OPRM1: variants seen among roughly 807,000 people sequenced by gnomAD.
OPRM1 encodes opioid receptor mu 1, also known as mu-type opioid receptor.
A neutral mutation model predicts 31.8 loss-of-function variants in OPRM1; 27 were observed. That is an observed-to-expected ratio of 0.85 (90% CI 0.63 to 1.17). OPRM1 has a LOEUF of 1.17. Ranked by LOEUF, OPRM1 falls within the 50% of genes most tolerant of loss-of-function variation. OPRM1 has a pLI of 0.00. For missense variants in OPRM1, 536 were observed against 511.1 expected (o/e 1.05, Z -0.47); for synonymous variants, 196 against 189.9 (o/e 1.03, Z -0.26).
chr6:154,131,410 G>A lies in OPRM1; in HGVS notation c.*12689G>A, dbSNP rs1011221657. Among the ~76,000 whole-genome samples, 16 of 152,106 alleles carry A rather than the reference G, an allele frequency of 1.1e-4. No homozygotes were observed. Among genetic ancestry groups the A allele is most frequent in the African/African-American group, 3.9e-4 (16 of 41,412 alleles). ...TAGCTTTAAGTCAAACCTAACATAA[G>A]CAATCAACCCTTCCACCCATTGTCC... On this transcript the variant is annotated 3_prime_UTR_variant, in exon 4 of 4. Transcript: ENST00000330432.
chr6:154,095,650 A>G (rs1793234591), intron 3 of OPRM1, among the ~76,000 whole-genome samples: 1 of 152,166 alleles, frequency 6.6e-6, no homozygotes, highest in Non-Finnish European at 1.5e-5. Flanking sequence ...TCAGTGCCCT[A>G]AAGAGGTCTT....
At chr6:154,195,262 C>T (rs2033282718) in intron 3 of OPRM1, among the ~76,000 whole-genome samples, 1 of 151,632 alleles carries the variant, frequency 6.6e-6, no homozygotes, top group African/African-American at 2.4e-5. Context: ...ATTCTCCTGC[C>T]TCAGCCTCCC....
chr6:154,166,795 C>G (rs2128552910), intron 3 of OPRM1, among the ~76,000 whole-genome samples: 1 of 152,308 alleles, frequency 6.6e-6, no homozygotes, highest in African/African-American at 2.4e-5. Context: ...AAAATCCCAA[C>G]ACGCTATGAC....
At chr6:154,070,822 T>C (rs1786544471) in intron 1 of OPRM1, among the ~76,000 whole-genome samples, 1 of 152,206 alleles carries the variant, frequency 6.6e-6, no homozygotes, top group African/African-American at 2.4e-5. Flanking sequence ...TTTTAGTTAC[T>C]CATTGGTCTG....
At chr6:154,051,976 A>G (rs1583241924) in intron 1 of OPRM1, among the ~76,000 whole-genome samples, 2 of 152,240 alleles carry the variant, frequency 1.3e-5, no homozygotes, top group Admixed American at 6.5e-5. Flanking sequence ...TTACATATAC[A>G]CCATGGAATA....
upstream of OPRM1, chr6:154,039,143 T>C: frequency 6.5e-7 from 1 of 1,549,552 alleles, no homozygotes; most frequent in South Asian, 1.2e-5. Flanking sequence ...AACCCTTCTC[T>C]CCATCTCCCT....
At chr6:154,026,364 T>C (rs1778697016) in intron 1 of OPRM1, among the ~76,000 whole-genome samples, 1 of 152,122 alleles carries the variant, frequency 6.6e-6, no homozygotes, top group South Asian at 2.1e-4. Flanking sequence ...TTAGGATCCT[T>C]TCTTTACCTT....
At chr6:154,043,552 T>G (rs901785873) in intron 1 of OPRM1, among the ~76,000 whole-genome samples, 1 of 147,542 alleles carries the variant, frequency 6.8e-6, no homozygotes, top group African/African-American at 2.5e-5. Flanking sequence ...TATATATATA[T>G]ATAAATTCAC....
At chr6:154,241,430 C>A (rs1487619354) in intron 3 of OPRM1, among the ~76,000 whole-genome samples, 1 of 151,954 alleles carries the variant, frequency 6.6e-6, no homozygotes, top group African/African-American at 2.4e-5. Context: ...CTAAAATACA[C>A]CAAAAAAGTA....
intron 3 of OPRM1, among the ~76,000 whole-genome samples, chr6:154,191,672 T>TCAA (rs140096033): frequency 0.018 from 2,685 of 149,666 alleles, 28 homozygotes; most frequent in African/African-American, 0.029. Flanking sequence ...AGACTTTGCC[T>TCAA]CAACAACAAC....
At chr6:154,110,125 C>G (rs1796180684) in intron 3 of OPRM1, among the ~76,000 whole-genome samples, 1 of 152,108 alleles carries the variant, frequency 6.6e-6, no homozygotes, top group South Asian at 2.1e-4. Flanking sequence ...GCTCTAAATA[C>G]TTCAGTATAC....
At chr6:154,100,186 G>A (rs1454504643) in intron 3 of OPRM1, among the ~76,000 whole-genome samples, 8 of 112,872 alleles carry the variant, frequency 7.1e-5, no homozygotes, top group African/African-American at 1.4e-4. Flanking sequence ...ATCATATTAT[G>A]ACATATCATA....
chr6:154,231,997 T>C (rs1779760975), intron 3 of OPRM1, among the ~76,000 whole-genome samples: 1 of 152,236 alleles, frequency 6.6e-6, no homozygotes, highest in African/African-American at 2.4e-5. Flanking sequence ...ATAGGCTAAG[T>C]AAGGACTCTT....
chr6:154,019,612 T>C (rs1449249077), intron 1 of OPRM1, among the ~76,000 whole-genome samples: 1 of 152,202 alleles, frequency 6.6e-6, no homozygotes, highest in Non-Finnish European at 1.5e-5. Context: ...CAGAGTTTTG[T>C]CTTTTCCAGA....
At chr6:154,149,315 G>A (rs1798435533) in intron 3 of OPRM1, among the ~76,000 whole-genome samples, 1 of 152,078 alleles carries the variant, frequency 6.6e-6, no homozygotes, top group African/African-American at 2.4e-5. Flanking sequence ...CAGATCTTGT[G>A]AGAACTCACT....
chr6:154,191,501 C>T (rs890222010), intron 3 of OPRM1, among the ~76,000 whole-genome samples: 6 of 152,170 alleles, frequency 3.9e-5, no homozygotes, highest in Admixed American at 1.3e-4. Flanking sequence ...TAGTGAAACC[C>T]TGTCTCTACT....
Position 154,120,108 on chromosome 6 carries a change from G to T in OPRM1, c.*1387G>T, listed in dbSNP as rs1434676262. ...GAACTTTTGTCAGCATTGATTAAAA[G>T]AATCAAATACCTTGTAGTTATCTAT... is the stretch of plus-strand genomic sequence containing the variant. On this transcript the variant is annotated 3_prime_UTR_variant, in exon 4 of 4. Transcript: ENST00000330432. 6.6e-6 allele frequency among the ~76,000 whole-genome samples: 1 copy of T among 152,140 alleles called. No individual in the cohort carries two copies. Among genetic ancestry groups the T allele is most frequent in the African/African-American group, 2.4e-5 (1 of 41,434 alleles).
chr6:154,087,545 C>T, intron 1 of OPRM1: 1 of 985,450 alleles, frequency 1.0e-6, no homozygotes, highest in Non-Finnish European at 1.2e-6. Context: ...AGACAAGCTC[C>T]TCCAGCAACT....
intron 1 of OPRM1, among the ~76,000 whole-genome samples, chr6:154,069,261 A>T (rs914964261): frequency 1.3e-5 from 2 of 152,010 alleles, no homozygotes; most frequent in African/African-American, 4.8e-5. Context: ...ATTTTTTGAG[A>T]TGGAGTCTCG....
Sources: allele counts gnomAD v4.1 joint callset (sites outside exome capture counted in the v4.1 genomes callset), GRCh38; gene constraint gnomAD v4.1.1; transcripts MANE v1.5; gene names NCBI Gene and HGNC (gene_info 2026-07-23, HGNC 2026-07-21).